The following SPMIP2 variants were observed in gnomAD, a reference collection of about 807,000 sequenced individuals.
SPMIP2 encodes protein SPMIP2.
At chr4:159,037,675 G>A in the SPMIP2 span, among the ~76,000 whole-genome samples, 1 of 151,718 alleles carries the variant, frequency 6.6e-6, no homozygotes, top group East Asian at 1.9e-4. Context: ...GGAGGCTTAG[G>A]TGGGAGGATT....
the SPMIP2 span, among the ~76,000 whole-genome samples, chr4:159,057,262 G>A: frequency 6.6e-6 from 1 of 152,202 alleles, no homozygotes; most frequent in African/African-American, 2.4e-5. Context: ...AGGAACAGTA[G>A]CTCTCATTTC....
At chr4:158,987,447 C>T in the SPMIP2 span, among the ~76,000 whole-genome samples, 1 of 152,114 alleles carries the variant, frequency 6.6e-6, no homozygotes, top group Non-Finnish European at 1.5e-5. Flanking sequence ...GAATACTATG[C>T]AGCCATAAAA....
the SPMIP2 span, among the ~76,000 whole-genome samples, chr4:158,965,088 A>G: frequency 6.6e-6 from 1 of 152,342 alleles, no homozygotes; most frequent in South Asian, 2.1e-4. Flanking sequence ...ATTAATTCTC[A>G]GAGAAAAGGC....
chr4:158,965,341 T>C, the SPMIP2 span, among the ~76,000 whole-genome samples: 1 of 152,138 alleles, frequency 6.6e-6, no homozygotes, highest in Non-Finnish European at 1.5e-5. Flanking sequence ...ATTCAGTCCT[T>C]TACCCAGAGC....
the SPMIP2 span, among the ~76,000 whole-genome samples, chr4:158,932,597 C>T: frequency 1.2e-4 from 19 of 152,016 alleles, no homozygotes; most frequent in African/African-American, 3.9e-4. Flanking sequence ...TGGGCCATTT[C>T]TCATTTCTTT....
the SPMIP2 span, among the ~76,000 whole-genome samples, chr4:158,917,181 T>C: frequency 2.7e-5 from 4 of 149,564 alleles, no homozygotes; most frequent in African/African-American, 4.9e-5. Flanking sequence ...ACCCAGGAGG[T>C]AGAGGTTGCA....
the SPMIP2 span, among the ~76,000 whole-genome samples, chr4:158,904,101 T>C: frequency 6.6e-6 from 1 of 152,218 alleles, no homozygotes; most frequent in Admixed American, 6.5e-5. Context: ...AAGTGTTGAC[T>C]GGAAGAATGA....
At chr4:158,982,758 C>G in the SPMIP2 span, among the ~76,000 whole-genome samples, 7 of 152,114 alleles carry the variant, frequency 4.6e-5, no homozygotes, top group Admixed American at 1.3e-4. Context: ...TAAATGTCCA[C>G]AGGAGAAAGC....
the SPMIP2 span, among the ~76,000 whole-genome samples, chr4:158,938,118 C>T: frequency 6.6e-6 from 1 of 152,208 alleles, no homozygotes; most frequent in African/African-American, 2.4e-5. Flanking sequence ...GATGATCCCA[C>T]ATTAGTATGA....
chr4:159,002,815 C>G, the SPMIP2 span, among the ~76,000 whole-genome samples: 2 of 151,722 alleles, frequency 1.3e-5, no homozygotes, highest in African/African-American at 4.8e-5. Context: ...TTAACTGGGT[C>G]CCTATGTGAA....
At chr4:158,968,397 A>G in the SPMIP2 span, among the ~76,000 whole-genome samples, 1 of 152,196 alleles carries the variant, frequency 6.6e-6, no homozygotes, top group East Asian at 1.9e-4. Context: ...GGATGCTAGG[A>G]GACAATTGAT....
the SPMIP2 span, among the ~76,000 whole-genome samples, chr4:159,016,350 C>T: frequency 2.6e-5 from 4 of 152,176 alleles, no homozygotes; most frequent in African/African-American, 9.7e-5. Flanking sequence ...AAGCTATAAC[C>T]ATGAGCCAAT....
At chr4:159,047,204 T>C in the SPMIP2 span, among the ~76,000 whole-genome samples, 1 of 152,126 alleles carries the variant, frequency 6.6e-6, no homozygotes, top group African/African-American at 2.4e-5. Flanking sequence ...TTATAGTTTT[T>C]AAAAAAATTA....
At chr4:158,947,062 G>A in the SPMIP2 span, among the ~76,000 whole-genome samples, 2 of 152,162 alleles carry the variant, frequency 1.3e-5, no homozygotes, top group Non-Finnish European at 2.9e-5. Context: ...AGGGAGGGAG[G>A]AATAGGCTTG....
At chr4:159,016,414 T>A in the SPMIP2 span, among the ~76,000 whole-genome samples, 1 of 152,224 alleles carries the variant, frequency 6.6e-6, no homozygotes, top group African/African-American at 2.4e-5. Context: ...AATGAAAACA[T>A]AACACTACTT....
chr4:159,068,780 T>C, the SPMIP2 span, among the ~76,000 whole-genome samples: 107 of 150,372 alleles, frequency 7.1e-4, no homozygotes, highest in East Asian at 0.015. Context: ...AAGGAAGAAA[T>C]GGAAAATAGA....
chr4:158,963,288 T>C, the SPMIP2 span, among the ~76,000 whole-genome samples: 1 of 68 alleles, frequency 0.015, no homozygotes, highest in Non-Finnish European at 0.026. Context: ...GTAGTTTTGT[T>C]TTTTTTTTGT....
chr4:159,002,674 A>G, the SPMIP2 span, among the ~76,000 whole-genome samples: 1 of 152,130 alleles, frequency 6.6e-6, no homozygotes, highest in East Asian at 1.9e-4. Context: ...GTTTTTGTAT[A>G]TGGATATCCA....
the SPMIP2 span, among the ~76,000 whole-genome samples, chr4:158,922,143 C>T: frequency 2.0e-5 from 3 of 152,190 alleles, no homozygotes; most frequent in Non-Finnish European, 4.4e-5. Flanking sequence ...CCGCCTCGGC[C>T]TCCCAAAGTG....
Sources: allele counts gnomAD v4.1 joint callset (sites outside exome capture counted in the v4.1 genomes callset), GRCh38; gene constraint gnomAD v4.1.1; transcripts MANE v1.5; gene names NCBI Gene and HGNC (gene_info 2026-07-23, HGNC 2026-07-21).